The following SPON1 variants were observed in gnomAD, a reference collection of about 807,000 sequenced individuals.
SPON1 encodes the protein spondin-1.
A neutral mutation model predicts 111.7 loss-of-function variants in SPON1; 52 were observed. That is an observed-to-expected ratio of 0.47 (90% CI 0.37 to 0.59). SPON1 has a LOEUF of 0.59. Among genes scored for constraint, SPON1 ranks in the 20% least tolerant of loss-of-function variants. The probability of loss-of-function intolerance (pLI) is 0.00; values close to 1 mark genes in which losing one functional copy is unlikely to be tolerated. For synonymous variants in SPON1, 410 were observed against 395.8 expected, an observed-to-expected ratio of 1.04 and a Z score of -0.43; for missense variants, 957 against 1,068.5, an observed-to-expected ratio of 0.90 and a Z score of 1.46.
At position 14,075,381 on chromosome 11, in the gene SPON1, A is replaced by G. The variant is rs976146655; in HGVS notation, c.516A>G (p.Gln172=). 2.6e-6 allele frequency: 4 copies of G among 1,560,596 alleles called. No homozygotes were observed. Among genetic ancestry groups the G allele is most frequent in the East Asian group, 4.7e-5 (2 of 42,198 alleles). Residue 172 remains glutamine, a synonymous_variant, in exon 4 of 16, where the codon CAA becomes CAG. Transcript: ENST00000576479. ...SIVQKRIIYF[Q]DEGSLTKKLC... is the part of the protein sequence containing the mutation. Reference sequence around the variant, plus strand: ...TACAAAAACGCATTATTTATTTTCAAGATGAGGGCTCTCTGACCAAGAAAC... The same window carrying G: ...TACAAAAACGCATTATTTATTTTCAGGATGAGGGCTCTCTGACCAAGAAAC...
At chr11:14,057,114 G>T (rs894367497) in intron 3 of SPON1, among the ~76,000 whole-genome samples, 2 of 152,108 alleles carry the variant, frequency 1.3e-5, no homozygotes, top group Non-Finnish European at 2.9e-5. Context: ...GGAACAGGAG[G>T]TTTCTATAAT....
chr11:14,077,987 G>A (rs1848931877), intron 4 of SPON1, among the ~76,000 whole-genome samples: 1 of 152,184 alleles, frequency 6.6e-6, no homozygotes, highest in Non-Finnish European at 1.5e-5. Flanking sequence ...GTAGAAATGG[G>A]GAGAGAGGGC....
chr11:14,121,427 G>A (rs551521036), intron 5 of SPON1, among the ~76,000 whole-genome samples: 14 of 152,280 alleles, frequency 9.2e-5, no homozygotes, highest in South Asian at 4.1e-4. Context: ...TAAAGATTTG[G>A]TGGAGAAAAT....
At chr11:13,980,104 A>G (rs2133779675) in intron 1 of SPON1, among the ~76,000 whole-genome samples, 2 of 151,818 alleles carry the variant, frequency 1.3e-5, no homozygotes, top group African/African-American at 4.8e-5. Context: ...GCAGTGGTGC[A>G]ATCTCGGCTC....
rs1281843828 is a variant in SPON1, at chr11:14,267,453, A to G, written c.*1766A>G. Reference sequence around the variant, plus strand: ...TTATTTTTCTACTTGGGGGGAAAAAAGTCCTCATGTAGAAGCACCCACTTT... The same window carrying G: ...TTATTTTTCTACTTGGGGGGAAAAAGGTCCTCATGTAGAAGCACCCACTTT... On this transcript the variant is annotated 3_prime_UTR_variant, in exon 16 of 16. Transcript: ENST00000576479. The G allele has an allele frequency of 6.6e-6, 1 of 152,104 alleles. No individual in the cohort carries two copies. Among genetic ancestry groups the G allele is most frequent in the East Asian group, 1.9e-4 (1 of 5,194 alleles). 9.4% of individuals were successfully genotyped at this position (152,104 alleles called of 1,614,324 possible).
At position 13,986,261 on chromosome 11, in the gene SPON1, AAT is replaced by A. The variant is rs1328416560; in HGVS notation, c.345+3320_345+3321del. Among the ~76,000 whole-genome samples, 20 of 151,960 alleles carry A rather than the reference AAT, an allele frequency of 1.3e-4. No homozygotes were observed. The South Asian group carries it at 2.7e-3, about 21-fold the overall frequency. On this transcript the variant is annotated intron_variant, in intron 2 of 15. Coordinates refer to ENST00000576479, the MANE Select transcript of SPON1 (RefSeq NM_006108.4). ...GAAAGAACAAATGCCATTGTAATTA[AAT>A]ATATATATATAGTGATTTAACAAAT...
chr11:14,176,658 C>G (rs1288384250), intron 6 of SPON1, among the ~76,000 whole-genome samples: 1 of 152,178 alleles, frequency 6.6e-6, no homozygotes, highest in East Asian at 1.9e-4. Context: ...AGTTAAGGGA[C>G]ATCTCAGGAC....
rs112264094 is a variant in SPON1, at chr11:14,142,677, G to C, written c.825+7109G>C. On this transcript the variant is annotated intron_variant, in intron 6 of 15. Coordinates refer to ENST00000576479, the MANE Select transcript of SPON1 (RefSeq NM_006108.4). ...AGGCAGCCATGGAGCACATCTTCCT[G>C]AATGTAGCAAGACACAAGCCAAGGG... is the stretch of plus-strand genomic sequence containing the variant. 7.0e-3 allele frequency among the ~76,000 whole-genome samples: 1,064 copies of C among 152,300 alleles called. 10 individuals carry two copies. The highest frequency in any genetic ancestry group is 0.025 in the African/African-American group (1,025 of 41,558).
chr11:14,041,289 T>G (rs868947048), intron 2 of SPON1, among the ~76,000 whole-genome samples: 1 of 152,166 alleles, frequency 6.6e-6, no homozygotes, highest in Non-Finnish European at 1.5e-5. Flanking sequence ...GACACAAGAT[T>G]TGGTCCCAGA....
intron 3 of SPON1, among the ~76,000 whole-genome samples, chr11:14,074,031 G>A (rs1401181436): frequency 1.2e-4 from 18 of 152,192 alleles, no homozygotes; most frequent in Admixed American, 1.2e-3. Flanking sequence ...GAAAAGCACT[G>A]TTGGAGATGA....
Position 14,030,874 on chromosome 11 carries a change from T to C in SPON1, c.346-10647T>C, listed in dbSNP as rs369328718. On this transcript the variant is annotated intron_variant, in intron 2 of 15. Coordinates refer to ENST00000576479, the MANE Select transcript of SPON1 (RefSeq NM_006108.4). ...TACTGGGTATATATGCAAAGGAAAA[T>C]AAATTGTTCTACAAAAAAGACATAA... Among the ~76,000 whole-genome samples, 13 of 152,276 alleles carry C rather than the reference T, an allele frequency of 8.5e-5. No individual in the cohort carries two copies. The East Asian group carries it at 2.3e-3, about 27-fold the overall frequency.
rs554299914 is a variant in SPON1, at chr11:14,102,030, C to T, written c.676+22009C>T. Among the ~76,000 whole-genome samples the T allele has an allele frequency of 3.9e-5, 6 of 152,258 alleles. 1 individual carries two copies. The East Asian group carries it at 7.7e-4, about 20-fold the overall frequency. ...CTTCTGAGAAGTAGCAGACATCATG[C>T]CTGTCCTTTTACCTCTAAATACTTC... On this transcript the variant is annotated intron_variant, in intron 5 of 15. Transcript: ENST00000576479.
At chr11:14,173,940 A>T (rs1206554679) in intron 6 of SPON1, among the ~76,000 whole-genome samples, 2 of 152,120 alleles carry the variant, frequency 1.3e-5, no homozygotes, top group Non-Finnish European at 2.9e-5. Flanking sequence ...GGTGTCAGGG[A>T]CCCACTTGAG....
chr11:14,030,701 A>G (rs1385322447), intron 2 of SPON1, among the ~76,000 whole-genome samples: 6 of 152,186 alleles, frequency 3.9e-5, no homozygotes, highest in Non-Finnish European at 8.8e-5. Flanking sequence ...AAAGACAAAA[A>G]ATAACAGATG....
intron 6 of SPON1, among the ~76,000 whole-genome samples, chr11:14,170,644 G>A (rs1452958291): frequency 6.6e-6 from 1 of 151,796 alleles, no homozygotes; most frequent in Non-Finnish European, 1.5e-5. Flanking sequence ...GTCATAGATA[G>A]CGCTTATTAT....
chr11:14,202,316 C>G (rs1554935722), intron 6 of SPON1, among the ~76,000 whole-genome samples: 1 of 152,204 alleles, frequency 6.6e-6, no homozygotes. Context: ...CCTCACATCT[C>G]CCTCATCTTG....
At chr11:14,044,141 T>TAATATTAAAG (rs1848651675) in intron 3 of SPON1, among the ~76,000 whole-genome samples, 1 of 152,176 alleles carries the variant, frequency 6.6e-6, no homozygotes, top group Non-Finnish European at 1.5e-5. Context: ...AAAGTCCATG[T>TAATATTAAAG]TCTGCCTTTC....
chr11:14,087,386 C>T (rs1423108871), intron 5 of SPON1, among the ~76,000 whole-genome samples: 1 of 152,094 alleles, frequency 6.6e-6, no homozygotes, highest in Non-Finnish European at 1.5e-5. Context: ...TTATTTCTGC[C>T]TTAATTTTGT....
chr11:13,974,851 C>T (rs545908385), intron 1 of SPON1, among the ~76,000 whole-genome samples: 2 of 152,178 alleles, frequency 1.3e-5, no homozygotes, highest in Non-Finnish European at 2.9e-5. Flanking sequence ...CTTCCCCCTG[C>T]TTATCTTCCT....
Sources: gnomAD v4.1 joint callset for allele counts (sites outside exome capture counted in the v4.1 genomes callset) on GRCh38, gnomAD v4.1.1 for gene constraint, MANE v1.5 for transcripts, NCBI Gene and HGNC (gene_info 2026-07-23, HGNC 2026-07-21) for gene names.